FGF12: variants seen among roughly 807,000 people sequenced by gnomAD.
FGF12 encodes the protein fibroblast growth factor 12B.
Under a neutral mutation model 23.6 loss-of-function variants are expected in FGF12, and 14 were observed. That is an observed-to-expected ratio of 0.59 (90% CI 0.39 to 0.93). FGF12 has a LOEUF of 0.93. Ranked by LOEUF, FGF12 falls within the 40% of genes least tolerant of loss-of-function variation. The pLI is 0.00. For missense variants in FGF12, 175 were observed against 217.8 expected, an observed-to-expected ratio of 0.80 and a Z score of 1.24; for synonymous variants, 62 against 77.3, an observed-to-expected ratio of 0.80 and a Z score of 1.04.
At chr3:192,172,876 C>T (rs1033211127) in intron 4 of FGF12, among the ~76,000 whole-genome samples, 8 of 151,012 alleles carry the variant, frequency 5.3e-5, no homozygotes, top group African/African-American at 1.9e-4. Flanking sequence ...AATGTGGAAA[C>T]AACCCAAACA....
chr3:192,532,137 GT>G (rs1310803740), intron 2 of FGF12, among the ~76,000 whole-genome samples: 1 of 152,106 alleles, frequency 6.6e-6, no homozygotes, highest in African/African-American at 2.4e-5. Flanking sequence ...GTACCATGCT[GT>G]TTTGGTAACT....
intron 2 of FGF12, among the ~76,000 whole-genome samples, chr3:192,505,879 A>T (rs1169537853): frequency 1.3e-5 from 2 of 152,224 alleles, no homozygotes; most frequent in East Asian, 1.9e-4. Flanking sequence ...CAGACACACG[A>T]ACTTCGAAGG....
chr3:192,656,033 G>A (rs1230206083), intron 2 of FGF12, among the ~76,000 whole-genome samples: 1 of 115,818 alleles, frequency 8.6e-6, no homozygotes, highest in African/African-American at 3.5e-5. Flanking sequence ...CATCCAGGAG[G>A]TTCAGGCAAA....
intron 2 of FGF12, among the ~76,000 whole-genome samples, chr3:192,474,318 CA>C (rs1218379008): frequency 6.6e-6 from 1 of 152,036 alleles, no homozygotes; most frequent in African/African-American, 2.4e-5. Flanking sequence ...CCAGGAACAA[CA>C]CTCATCTCAT....
At position 192,514,540 on chromosome 3, in the gene FGF12, G is replaced by C. The variant is rs1165815813; in HGVS notation, c.14-154002C>G. On this transcript the variant is annotated intron_variant, in intron 2 of 5. Transcript: ENST00000445105. The surrounding 1 kb of genome is among the most constrained non-coding windows in gnomAD (Gnocchi z 4.9). ...GAGGGGCCCTGACCTCGCCCCAGTC[G>C]GGAAACGCCTTCCCTCCGCCACAGG... 1 of 279,560 alleles carries C rather than the reference G, an allele frequency of 3.6e-6. No homozygotes were observed. The highest frequency in any genetic ancestry group is 5.4e-6 in the Non-Finnish European group (1 of 184,524). The allele number at this position is 279,560 out of a possible 1,614,324, so 17.3% of individuals were successfully genotyped here. A position where few individuals can be genotyped will look rare whatever the true frequency, so the allele number is the denominator to read the frequency against.
At chr3:192,538,852 T>A (rs1432954118) in intron 2 of FGF12, among the ~76,000 whole-genome samples, 1 of 152,226 alleles carries the variant, frequency 6.6e-6, no homozygotes, top group East Asian at 1.9e-4. Context: ...TAGAAATCTT[T>A]CACTTATTTT....
At chr3:192,537,555 T>A (rs141975704) in intron 2 of FGF12, among the ~76,000 whole-genome samples, 41 of 152,352 alleles carry the variant, frequency 2.7e-4, no homozygotes, top group African/African-American at 9.4e-4. Context: ...TAATCAGTGA[T>A]GCTGAGCATA....
chr3:192,497,899 AGC>A (rs1388766556), intron 2 of FGF12, among the ~76,000 whole-genome samples: 1 of 152,254 alleles, frequency 6.6e-6, no homozygotes, highest in East Asian at 1.9e-4. Context: ...CTAGAAAATA[AGC>A]TTTCAAAATC....
At chr3:192,485,186 G>C (rs1257903687) in intron 2 of FGF12, among the ~76,000 whole-genome samples, 1 of 152,154 alleles carries the variant, frequency 6.6e-6, no homozygotes, top group East Asian at 1.9e-4. Flanking sequence ...TTATTTAGAA[G>C]TAGACATATT....
intron 2 of FGF12, among the ~76,000 whole-genome samples, chr3:192,645,176 G>C (rs913167177): frequency 2.6e-5 from 4 of 152,070 alleles, no homozygotes; most frequent in Admixed American, 6.6e-5. Context: ...ATCCCCAAAG[G>C]CTTCGTAACA....
intron 2 of FGF12, among the ~76,000 whole-genome samples, chr3:192,657,817 T>A (rs1319514585): frequency 1.3e-5 from 2 of 152,240 alleles, no homozygotes; most frequent in Admixed American, 1.3e-4. Flanking sequence ...ACAATAATTT[T>A]AGTTTTCAAA....
intron 2 of FGF12, among the ~76,000 whole-genome samples, chr3:192,452,897 T>C (rs1722569274): frequency 6.6e-6 from 1 of 152,240 alleles, no homozygotes; most frequent in African/African-American, 2.4e-5. Flanking sequence ...TCTTTGACAT[T>C]CAAATATTTT....
chr3:192,528,089 A>G (rs1724995826), intron 2 of FGF12, among the ~76,000 whole-genome samples: 1 of 152,088 alleles, frequency 6.6e-6, no homozygotes, highest in African/African-American at 2.4e-5. Context: ...ATCAAAGCCA[A>G]TCAAGCCTTC....
At chr3:192,698,623 C>G (rs1718201030) in intron 2 of FGF12, among the ~76,000 whole-genome samples, 1 of 152,158 alleles carries the variant, frequency 6.6e-6, no homozygotes, top group Non-Finnish European at 1.5e-5. Flanking sequence ...ACCTTACTCA[C>G]TGACAGTGGG....
chr3:192,427,215 T>C (rs1721715302), intron 2 of FGF12, among the ~76,000 whole-genome samples: 1 of 152,032 alleles, frequency 6.6e-6, no homozygotes, highest in Non-Finnish European at 1.5e-5. Context: ...ACCCCGTCTC[T>C]ACTAAAAATA....
chr3:192,710,701 A>G (rs143389850), intron 2 of FGF12, among the ~76,000 whole-genome samples: 1 of 152,328 alleles, frequency 6.6e-6, no homozygotes, highest in Admixed American at 6.5e-5. Context: ...TCCTCTCCCA[A>G]ACATCAAGCA....
chr3:192,198,712 C>T (rs1717207959), intron 4 of FGF12, among the ~76,000 whole-genome samples: 1 of 152,082 alleles, frequency 6.6e-6, no homozygotes, highest in Admixed American at 6.5e-5. Context: ...AATATCATGA[C>T]CCAACTGGTT....
At chr3:192,251,803 T>G (rs1406191689) in intron 4 of FGF12, among the ~76,000 whole-genome samples, 8 of 152,180 alleles carry the variant, frequency 5.3e-5, no homozygotes, top group Non-Finnish European at 1.0e-4. Context: ...AAAATAGGTG[T>G]AGAAAACAAA....
chr3:192,554,025 G>A (rs550913834), intron 2 of FGF12, among the ~76,000 whole-genome samples: 2 of 152,070 alleles, frequency 1.3e-5, no homozygotes, highest in Admixed American at 1.3e-4. Flanking sequence ...GAGTTAAAGT[G>A]TGTGTCCAAA....
Sources: gnomAD v4.1 joint callset for allele counts (sites outside exome capture counted in the v4.1 genomes callset) on GRCh38, gnomAD v4.1.1 for gene constraint, Gnocchi (gnomAD v3.1) non-coding constraint, MANE v1.5 for transcripts, NCBI Gene and HGNC (gene_info 2026-07-23, HGNC 2026-07-21) for gene names.